The following PLEKHA7 variants were observed in gnomAD, a reference collection of about 807,000 sequenced individuals.
PLEKHA7 encodes the protein pleckstrin homology domain-containing family A member 7.
PLEKHA7 carries 104 observed loss-of-function variants against 170.0 expected under a neutral mutation model. That is an observed-to-expected ratio of 0.61 (90% CI 0.52 to 0.72). The LOEUF is 0.72. PLEKHA7 is among the 30% of genes least tolerant of loss of function. PLEKHA7 has a pLI of 0.00. For missense variants in PLEKHA7, 1,615 were observed against 1,671.7 expected (o/e 0.97, Z 0.59); for synonymous variants, 648 against 660.8 (o/e 0.98, Z 0.30).
intron 9 of PLEKHA7, among the ~76,000 whole-genome samples, chr11:16,829,769 C>T (rs379051): frequency 0.16 from 24,477 of 151,978 alleles, 2,393 homozygotes; most frequent in African/African-American, 0.27. Flanking sequence ...AGCAAGACTC[C>T]GCCTCAAAAA....
At chr11:16,832,693 T>G (rs963835914) in intron 9 of PLEKHA7, among the ~76,000 whole-genome samples, 5 of 152,172 alleles carry the variant, frequency 3.3e-5, no homozygotes, top group Non-Finnish European at 5.9e-5. Flanking sequence ...TTAGTCCTGA[T>G]GTCCAACACA....
chr11:16,837,819 G>C (rs1198006940), intron 9 of PLEKHA7, among the ~76,000 whole-genome samples: 1 of 152,126 alleles, frequency 6.6e-6, no homozygotes. Flanking sequence ...AGGAAAAAGG[G>C]AACAAACCTG....
intron 3 of PLEKHA7, among the ~76,000 whole-genome samples, chr11:17,003,173 T>C (rs1305247135): frequency 1.3e-5 from 2 of 152,144 alleles, no homozygotes; most frequent in Non-Finnish European, 2.9e-5. Flanking sequence ...ATATTTTTAG[T>C]AGAGATGGGG....
intron 3 of PLEKHA7, among the ~76,000 whole-genome samples, chr11:17,003,045 T>C (rs967127565): frequency 1.4e-5 from 2 of 145,156 alleles, no homozygotes; most frequent in Non-Finnish European, 3.0e-5. Flanking sequence ...TAGGCTGGCA[T>C]GCAATGGCGC....
At chr11:16,899,986 G>A (rs1857229335) in intron 3 of PLEKHA7, among the ~76,000 whole-genome samples, 1 of 152,186 alleles carries the variant, frequency 6.6e-6, no homozygotes, top group Non-Finnish European at 1.5e-5. Context: ...ACCTGGATAA[G>A]GTGTGGGGGG....
chr11:16,940,811 G>C lies in PLEKHA7; in HGVS notation c.222-69629C>G, dbSNP rs1590674551. 2.0e-5 allele frequency among the ~76,000 whole-genome samples: 3 copies of C among 152,172 alleles called. No homozygotes were observed. In the East Asian group the frequency reaches 5.8e-4, roughly 29 times the overall value. On this transcript the variant is annotated intron_variant, in intron 3 of 26. Coordinates refer to ENST00000531066, the MANE Select transcript of PLEKHA7 (RefSeq NM_001329630.2). ...AAGTACAGAGTGGCAAACAAAAGGG[G>C]AGGAGTGATGGAGCCCTGAATTAAA...
At chr11:17,000,937 C>T (rs921327027) in intron 3 of PLEKHA7, among the ~76,000 whole-genome samples, 1 of 152,224 alleles carries the variant, frequency 6.6e-6, no homozygotes, top group Non-Finnish European at 1.5e-5. Context: ...AGCCAAGCTA[C>T]TAGTGAAGGA....
At chr11:16,860,531 GTACTTGTTGAGCACC>G (rs1853861304) in intron 4 of PLEKHA7, among the ~76,000 whole-genome samples, 1 of 152,144 alleles carries the variant, frequency 6.6e-6, no homozygotes. Flanking sequence ...GGATTAGGCT[GTACTTGTTGAGCACC>G]TACTGCATGC....
Position 16,789,611 on chromosome 11 carries a change from GC to G in PLEKHA7, c.3156+163del. The G allele has an allele frequency of 1.5e-6, 1 of 651,258 alleles. No homozygotes were observed. The highest frequency in any genetic ancestry group is 2.6e-6 in the Non-Finnish European group (1 of 381,548). The allele number at this position is 651,258 out of a possible 1,614,324, so 40.3% of individuals were successfully genotyped here. A position where few individuals can be genotyped will look rare whatever the true frequency, so the allele number is the denominator to read the frequency against. The stretch of plus-strand genomic sequence containing the variant: ...GACAGGCCAGAGAGAAAGGCAGGAT[GC>G]CCTCCTTGGTGGACAGTGGGTGACA... On this transcript the variant is annotated intron_variant, in intron 22 of 26. Transcript: ENST00000531066. This position sits in a 1 kb window ranked among gnomAD's most constrained non-coding sequence, Gnocchi z 4.6.
intron 19 of PLEKHA7, among the ~76,000 whole-genome samples, chr11:16,792,267 AG>A (rs1465177809): frequency 8.5e-5 from 13 of 152,230 alleles, no homozygotes; most frequent in Non-Finnish European, 1.8e-4. Flanking sequence ...CTGGAGGCAG[AG>A]GGTGGGAAGG....
intron 17 of PLEKHA7, among the ~76,000 whole-genome samples, chr11:16,797,969 AG>A (rs1848350239): frequency 6.6e-6 from 1 of 151,744 alleles, no homozygotes; most frequent in South Asian, 2.1e-4. Context: ...CTTCATAATG[AG>A]GGGAGGGGAA....
intron 17 of PLEKHA7, among the ~76,000 whole-genome samples, chr11:16,795,543 G>A (rs76559549): frequency 0.016 from 2,481 of 152,170 alleles, 49 homozygotes; most frequent in African/African-American, 0.055. Context: ...TGTTATCCCC[G>A]CACTTTGGGA....
chr11:16,889,420 A>AAAAAAATAT (rs61086849), intron 3 of PLEKHA7, among the ~76,000 whole-genome samples: 2 of 74,682 alleles, frequency 2.7e-5, no homozygotes, highest in African/African-American at 6.3e-5. Context: ...AAAAAAAAAA[A>AAAAAAATAT]ATATATATAT....
At chr11:16,889,395 T>C (rs1856444001) in intron 3 of PLEKHA7, among the ~76,000 whole-genome samples, 1 of 74,362 alleles carries the variant, frequency 1.3e-5, no homozygotes, top group African/African-American at 4.7e-5. Flanking sequence ...AAAAGCTTTA[T>C]TGCTCAAAAA....
At chr11:16,829,014 T>G (rs1168654910) in intron 9 of PLEKHA7, among the ~76,000 whole-genome samples, 1 of 150,658 alleles carries the variant, frequency 6.6e-6, no homozygotes, top group Non-Finnish European at 1.5e-5. Flanking sequence ...AATTCCTTCT[T>G]TTTTTTTTCA....
intron 9 of PLEKHA7, among the ~76,000 whole-genome samples, chr11:16,831,344 C>T (rs1851090942): frequency 6.6e-6 from 1 of 152,178 alleles, no homozygotes; most frequent in African/African-American, 2.4e-5. Context: ...CACATGACCT[C>T]TCAAATTTGT....
intron 3 of PLEKHA7, among the ~76,000 whole-genome samples, chr11:16,998,224 G>A (rs1360429533): frequency 2.0e-5 from 3 of 152,114 alleles, no homozygotes; most frequent in African/African-American, 7.2e-5. Flanking sequence ...TGGCTTCTCA[G>A]TGTGAGAGCC....
At chr11:16,796,394 A>G (rs1431496476) in intron 17 of PLEKHA7, among the ~76,000 whole-genome samples, 1 of 152,234 alleles carries the variant, frequency 6.6e-6, no homozygotes, top group Non-Finnish European at 1.5e-5. Context: ...CATGTGAGGG[A>G]AAGAAGCCAG....
chr11:17,002,087 G>C (rs375866368), intron 3 of PLEKHA7, among the ~76,000 whole-genome samples: 4 of 152,172 alleles, frequency 2.6e-5, no homozygotes, highest in Non-Finnish European at 2.9e-5. Context: ...GAGCACCAGC[G>C]ACTGGCTCAC....
Sources: allele counts gnomAD v4.1 joint callset (sites outside exome capture counted in the v4.1 genomes callset), GRCh38; gene constraint gnomAD v4.1.1; non-coding constraint Gnocchi (gnomAD v3.1); transcripts MANE v1.5; gene names NCBI Gene and HGNC (gene_info 2026-07-23, HGNC 2026-07-21).